HEATR4: variants seen among roughly 807,000 people sequenced by gnomAD.
The protein encoded by HEATR4 is HEAT repeat-containing protein 4.
Under a neutral mutation model 108.8 loss-of-function variants are expected in HEATR4, and 95 were observed. The ratio of observed to expected loss-of-function variants is 0.87; its 90% CI spans 0.74 to 1.04. The LOEUF (loss-of-function observed/expected upper bound fraction) is 1.04. HEATR4 is among the 50% of genes least tolerant of loss of function. The pLI is 0.00. For synonymous variants in HEATR4, 443 were observed against 459.4 expected (o/e 0.96, Z 0.46); for missense variants, 1,152 against 1,253.8 (o/e 0.92, Z 1.23).
the HEATR4 span, chr14:73,575,561 C>T: frequency 7.8e-6 from 12 of 1,539,666 alleles, no homozygotes; most frequent in African/African-American, 7.0e-5. Flanking sequence ...CTCCTGGAAA[C>T]ATCTGCCACA....
In HEATR4 at chr14:73,520,907, T is replaced by G; in HGVS notation, c.1014A>C (p.Arg338=). 1 of 1,613,980 alleles carries G rather than the reference T, an allele frequency of 6.2e-7. No individual in the cohort carries two copies. The highest frequency in any genetic ancestry group is 8.5e-7 in the Non-Finnish European group (1 of 1,179,996). ...TQSYFRQVTP[R]AGKFAYSTDN... ...CTGTGGAGTAGGCAAACTTTCCAGC[T>G]CGGGGAGTCACCTGGCGAAAGTAGC... The change falls in exon 4 of 18, where the codon CGA becomes CGC. Residue 338 remains arginine, a synonymous_variant. Transcript: ENST00000553558.
chr14:73,562,625 TA>T (rs2140325375), upstream of HEATR4, among the ~76,000 whole-genome samples: 1 of 152,018 alleles, frequency 6.6e-6, no homozygotes, highest in Admixed American at 6.6e-5. Flanking sequence ...TAAGGAATAT[TA>T]ATATTAATAC....
At chr14:73,601,064 C>A in the HEATR4 span, among the ~76,000 whole-genome samples, 2 of 151,700 alleles carry the variant, frequency 1.3e-5, no homozygotes, top group East Asian at 2.0e-4. Context: ...TTGCTTGAAC[C>A]CAGGAGATGG....
At chr14:73,590,211 G>A in the HEATR4 span, among the ~76,000 whole-genome samples, 1 of 152,094 alleles carries the variant, frequency 6.6e-6, no homozygotes, top group Admixed American at 6.5e-5. Context: ...GTTTTGACAG[G>A]GTGCTGATTG....
In HEATR4 at chr14:73,506,546, A is replaced by C. The variant is rs774047581; in HGVS notation, c.1907T>G (p.Val636Gly). The change falls in exon 10 of 18, where the codon GTG becomes GGG. Residue 636 changes from valine (V) to glycine (G), a missense_variant. Physicochemically the swap from Val to Gly is moderately radical, Grantham distance 109. Transcript: ENST00000553558. The stretch of plus-strand genomic sequence containing the variant: ...CTTCCATTGACAGCTGTTCAGCTCC[A>C]CAGCAAGCATGGTGTGTATCAGGGT... ...KTTLIHTMLAVELNSCQWKNR... is the reference protein window; with the variant it reads ...KTTLIHTMLAGELNSCQWKNR... The C allele has an allele frequency of 1.9e-6, 3 of 1,613,726 alleles. No homozygotes were observed. The highest frequency in any genetic ancestry group is 2.5e-6 in the Non-Finnish European group (3 of 1,179,968).
chr14:73,607,183 G>A, the HEATR4 span, among the ~76,000 whole-genome samples: 24 of 152,264 alleles, frequency 1.6e-4, no homozygotes, highest in African/African-American at 5.1e-4. Flanking sequence ...CATGGCACGT[G>A]CCTATGATCC....
chr14:73,483,701 G>A (rs1466174327), intron 17 of HEATR4, among the ~76,000 whole-genome samples: 3 of 151,942 alleles, frequency 2.0e-5, no homozygotes, highest in Non-Finnish European at 4.4e-5. Context: ...TTTTTAAAAT[G>A]GATGATGGTA....
rs1285811840 is a variant in HEATR4 at position 73,553,984 on chromosome 14, A to G, written c.-152+4767T>C. Among the ~76,000 whole-genome samples the G allele has an allele frequency of 1.6e-4, 19 of 115,382 alleles. 6 individuals are homozygous for G. The highest frequency in any genetic ancestry group is 3.6e-4 in the Non-Finnish European group (19 of 52,334). 75.7% of individuals were successfully genotyped at this position (115,382 alleles called of 152,430 possible). A position where few individuals can be genotyped will look rare whatever the true frequency, so the allele number is the denominator to read the frequency against. On this transcript the variant is annotated intron_variant, in intron 1 of 17. Transcript: ENST00000553558. Reference sequence around the variant, plus strand: ...ATGCCAGTTTTGATCTTTAATTATCATGACAATGAGGTTCCCCTCTGCTTT... The same window carrying G: ...ATGCCAGTTTTGATCTTTAATTATCGTGACAATGAGGTTCCCCTCTGCTTT...
chr14:73,622,131 G>T, the HEATR4 span, among the ~76,000 whole-genome samples: 19 of 152,014 alleles, frequency 1.2e-4, no homozygotes, highest in Non-Finnish European at 2.5e-4. Flanking sequence ...AAGTGGACCT[G>T]CTACTGTGGA....
chr14:73,519,267 T>A (rs1361649351), intron 4 of HEATR4, 104 bp from the exon 5 acceptor site: 1 of 1,194,150 alleles, frequency 8.4e-7, no homozygotes, highest in African/African-American at 1.5e-5. Flanking sequence ...TTTGCCCTAA[T>A]CTAAGCCCCT....
chr14:73,535,469 C>CTTTTTTTTT lies in HEATR4; in HGVS notation c.-151-5234_-151-5226dup, dbSNP rs869167008. ...CCTTTTTCTTTTCTTTTTCTTCTTT[C>CTTTTTTTTT]TTTTTTTTTTTTTTTTTTTTTTTTT... On this transcript the variant is annotated intron_variant, in intron 1 of 17. Transcript: ENST00000553558. Among the ~76,000 whole-genome samples the CTTTTTTTTT allele has an allele frequency of 7.3e-4, 12 of 16,532 alleles. 1 individual carries two copies. Among genetic ancestry groups the CTTTTTTTTT allele is most frequent in the Admixed American group, 3.1e-3 (2 of 650 alleles). 10.8% of individuals were successfully genotyped at this position (16,532 alleles called of 152,430 possible).
At chr14:73,495,102 G>T in intron 16 of HEATR4, 126 bp downstream of exon 16, 1 of 703,462 alleles carries the variant, frequency 1.4e-6, no homozygotes, top group Non-Finnish European at 2.3e-6. Flanking sequence ...TAGCCAAGAG[G>T]GAAGAGAGTA....
At position 73,558,215 on chromosome 14, in the gene HEATR4, C is replaced by T. The variant is rs572153420; in HGVS notation, c.-152+536G>A. Among the ~76,000 whole-genome samples the T allele has an allele frequency of 9.1e-4, 122 of 134,552 alleles. 2 individuals are homozygous for T. Among genetic ancestry groups the T allele is most frequent in the Non-Finnish European group, 1.6e-3 (99 of 62,648 alleles). The allele number at this position is 134,552 out of a possible 152,430, so 88.3% of individuals were successfully genotyped here. ...CTGCTTAACCTGGCTTGTTTCAAGT[C>T]CCCCTTTCTCCCTTTTTGCCCTCAA... On this transcript the variant is annotated intron_variant, in intron 1 of 17. Coordinates refer to ENST00000553558, the MANE Select transcript of HEATR4 (RefSeq NM_001220484.1).
At chr14:73,514,455 G>A (rs1321627349) in intron 5 of HEATR4, among the ~76,000 whole-genome samples, 2 of 152,202 alleles carry the variant, frequency 1.3e-5, no homozygotes, top group South Asian at 4.1e-4. Context: ...GATGATGGGG[G>A]TGAGAGATTT....
intron 5 of HEATR4, among the ~76,000 whole-genome samples, chr14:73,518,195 C>A (rs1238534001): frequency 6.6e-6 from 1 of 152,148 alleles, no homozygotes; most frequent in African/African-American, 2.4e-5. Flanking sequence ...AGACTGAGCC[C>A]AGGGAAGGAC....
the HEATR4 span, among the ~76,000 whole-genome samples, chr14:73,589,652 T>G: frequency 6.6e-6 from 1 of 152,156 alleles, no homozygotes; most frequent in African/African-American, 2.4e-5. Flanking sequence ...TTTTTTTAAG[T>G]AAACTGACAT....
chr14:73,506,402 T>C (rs1886824161), intron 10 of HEATR4, 65 bp downstream of exon 10: 5 of 1,134,502 alleles, frequency 4.4e-6, no homozygotes, highest in South Asian at 2.5e-5. Context: ...CAGCAAAAAG[T>C]AGAAGGCCTC....
At chr14:73,626,785 C>T in the HEATR4 span, among the ~76,000 whole-genome samples, 18 of 136,830 alleles carry the variant, frequency 1.3e-4, no homozygotes, top group Non-Finnish European at 2.4e-4. Context: ...AACAGACAAA[C>T]AGCCTTTTTT....
chr14:73,537,965 G>T lies in HEATR4; in HGVS notation c.-151-7721C>A. 3.9e-6 allele frequency: 4 copies of T among 1,022,066 alleles called. 1 individual carries two copies. In the Admixed American group the frequency reaches 2.0e-4, roughly 50 times the overall value. The allele number at this position is 1,022,066 out of a possible 1,614,324, so 63.3% of individuals were successfully genotyped here. ...TGTGTGTGTGTGTCCCCTTCGCCCCGCCCCGCTCTTTTCGCTTGTGTGTGT... is the reference window on the plus strand; with the variant it reads ...TGTGTGTGTGTGTCCCCTTCGCCCCTCCCCGCTCTTTTCGCTTGTGTGTGT... On this transcript the variant is annotated intron_variant, in intron 1 of 17. Transcript: ENST00000553558.
Sources: gnomAD v4.1 joint callset for allele counts (sites outside exome capture counted in the v4.1 genomes callset) on GRCh38, gnomAD v4.1.1 for gene constraint, MANE v1.5 for transcripts, NCBI Gene and HGNC (gene_info 2026-07-23, HGNC 2026-07-21) for gene names.